The following DNAH14 variants were observed in gnomAD, a reference collection of about 807,000 sequenced individuals.
DNAH14 encodes the protein axonemal beta dynein heavy chain 14.
Under a neutral mutation model 520.9 loss-of-function variants are expected in DNAH14, and 478 were observed. The observed-to-expected ratio is 0.92, with a 90% CI of 0.85 to 0.99. The LOEUF is 0.99. Among genes scored for constraint, DNAH14 ranks in the 50% least tolerant of loss-of-function variants. The probability of loss-of-function intolerance (pLI) is 0.00; values close to 1 mark genes in which losing one functional copy is unlikely to be tolerated. For missense variants in DNAH14, 4,831 were observed against 5,234.5 expected, an observed-to-expected ratio of 0.92 and a Z score of 2.38; for synonymous variants, 1,581 against 1,757.2, an observed-to-expected ratio of 0.90 and a Z score of 2.51.
At chr1:225,385,086 A>G (rs902265244) in intron 81 of DNAH14, among the ~76,000 whole-genome samples, 4 of 152,244 alleles carry the variant, frequency 2.6e-5, no homozygotes, top group Admixed American at 1.3e-4. Flanking sequence ...ACACAAATCA[A>G]TAAACGTAAT....
At chr1:225,147,554 C>T (rs925041325) in intron 31 of DNAH14, among the ~76,000 whole-genome samples, 5 of 152,084 alleles carry the variant, frequency 3.3e-5, no homozygotes, top group Admixed American at 2.0e-4. Context: ...TTTTTTTCAG[C>T]TTAAATTTTC....
At chr1:225,200,978 C>G (rs2086749825) in intron 38 of DNAH14, among the ~76,000 whole-genome samples, 1 of 151,842 alleles carries the variant, frequency 6.6e-6, no homozygotes, top group South Asian at 2.1e-4. Flanking sequence ...TCTTTTCTTC[C>G]TTAAGAACAC....
At chr1:225,344,634 G>A (rs536702672) in intron 69 of DNAH14, among the ~76,000 whole-genome samples, 1 of 152,166 alleles carries the variant, frequency 6.6e-6, no homozygotes, top group African/African-American at 2.4e-5. Context: ...TATCATTGAT[G>A]GGCATTTAGG....
At chr1:225,368,527 C>G (rs2095580282) in intron 77 of DNAH14, among the ~76,000 whole-genome samples, 1 of 152,114 alleles carries the variant, frequency 6.6e-6, no homozygotes, top group East Asian at 1.9e-4. Flanking sequence ...CTTTACTATT[C>G]TCTATATAGA....
chr1:225,175,938 TAG>T (rs1383053255), intron 36 of DNAH14, among the ~76,000 whole-genome samples: 1 of 152,068 alleles, frequency 6.6e-6, no homozygotes, highest in Non-Finnish European at 1.5e-5. Flanking sequence ...GTATTTTTAG[TAG>T]AGACAGGGCT....
chr1:224,953,659 G>C (rs1454182350), intron 2 of DNAH14, among the ~76,000 whole-genome samples: 2 of 152,164 alleles, frequency 1.3e-5, no homozygotes, highest in South Asian at 4.1e-4. Context: ...AGTGAACATA[G>C]ACTTGGCGTT....
chr1:225,050,112 AG>A, intron 15 of DNAH14, 97 bp from the exon 16 acceptor site: 1 of 1,003,748 alleles, frequency 1.0e-6, no homozygotes. Flanking sequence ...ATAATAAATC[AG>A]CCCCCATTTT....
chr1:225,377,384 GAAA>G lies in DNAH14; in HGVS notation c.12666_12668del (p.Glu4222_Asn4223delinsAsp). The G allele has an allele frequency of 6.4e-7, 1 of 1,551,240 alleles. No homozygotes were observed. The highest frequency in any genetic ancestry group is 8.7e-7 in the Non-Finnish European group (1 of 1,146,808). ...GGAGACCCAGGGCGAAAAGTTTATT[GAAA>G]ATCTGATTGCCATGCAACCAAAAAC... On this transcript the variant is annotated inframe_deletion, in exon 79 of 86. Transcript: ENST00000682510.
At chr1:225,179,482 A>G (rs181633195) in intron 36 of DNAH14, among the ~76,000 whole-genome samples, 45 of 152,294 alleles carry the variant, frequency 3.0e-4, no homozygotes, top group Non-Finnish European at 3.2e-4. Flanking sequence ...GAAACAAACT[A>G]AACTAAAAAA....
At chr1:225,314,212 C>T (rs1329316874) in intron 60 of DNAH14, among the ~76,000 whole-genome samples, 4 of 151,992 alleles carry the variant, frequency 2.6e-5, no homozygotes, top group Non-Finnish European at 5.9e-5. Context: ...TTGTCTCTTT[C>T]GATCTTTGTT....
chr1:225,072,291 C>A (rs1004079082), intron 17 of DNAH14, among the ~76,000 whole-genome samples: 2 of 152,158 alleles, frequency 1.3e-5, no homozygotes, highest in African/African-American at 4.8e-5. Flanking sequence ...AGGCAGTCTT[C>A]AAGCTCTGAG....
chr1:225,000,564 T>C (rs2063689033), intron 8 of DNAH14, among the ~76,000 whole-genome samples: 1 of 148,862 alleles, frequency 6.7e-6, no homozygotes, highest in South Asian at 2.2e-4. Flanking sequence ...TGAAGGTTTG[T>C]TCTTTTTTTT....
chr1:225,208,263 G>A (rs1331756933), intron 41 of DNAH14, among the ~76,000 whole-genome samples: 2 of 151,754 alleles, frequency 1.3e-5, no homozygotes, highest in Admixed American at 1.3e-4. Context: ...CAGGAAAGTT[G>A]CAGTACTGGA....
intron 72 of DNAH14, among the ~76,000 whole-genome samples, chr1:225,352,573 C>T (rs1192035823): frequency 1.3e-5 from 2 of 152,056 alleles, no homozygotes; most frequent in Non-Finnish European, 2.9e-5. Context: ...TCTATGATAA[C>T]TTATATTTCC....
intron 28 of DNAH14, among the ~76,000 whole-genome samples, chr1:225,141,316 C>G (rs1280488441): frequency 1.3e-5 from 2 of 151,902 alleles, no homozygotes; most frequent in African/African-American, 4.8e-5. Context: ...GTGTATTTTT[C>G]TACTGTTCTG....
chr1:225,183,490 T>C (rs2084289292), intron 36 of DNAH14, among the ~76,000 whole-genome samples: 1 of 152,088 alleles, frequency 6.6e-6, no homozygotes, highest in African/African-American at 2.4e-5. Flanking sequence ...AATCTAGCAT[T>C]GCACCCAACT....
At chr1:224,980,363 T>TGTG (rs1171003050) in intron 8 of DNAH14, among the ~76,000 whole-genome samples, 3 of 152,142 alleles carry the variant, frequency 2.0e-5, no homozygotes, top group Admixed American at 6.5e-5. Context: ...CCTATGGGCC[T>TGTG]GTGGTGGTGG....
Position 225,153,769 on chromosome 1 carries a change from TG to T in DNAH14, c.5217del (p.Arg1740AspfsTer3). 6.5e-7 allele frequency: 1 copy of T among 1,548,906 alleles called. No homozygotes were observed. Among genetic ancestry groups the T allele is most frequent in the Non-Finnish European group, 8.7e-7 (1 of 1,145,324 alleles). On this transcript the variant is annotated frameshift_variant, in exon 34 of 86. Coordinates refer to ENST00000682510, the MANE Select transcript of DNAH14 (RefSeq NM_001367479.1). LOFTEE classifies it high-confidence loss of function. ...LSQQDHYNFG[L>X]RSLKIVLIMA... The stretch of plus-strand genomic sequence containing the variant: ...TGATAGGATCATTATAATTTTGGCT[TG>T]AGATCTCTGAAGATAGTTTTAATAA...
At chr1:225,191,308 C>T (rs957835923) in intron 37 of DNAH14, among the ~76,000 whole-genome samples, 2 of 151,912 alleles carry the variant, frequency 1.3e-5, no homozygotes, top group African/African-American at 2.4e-5. Context: ...GCCTTAGTTT[C>T]TCCCTCACTT....
Sources: gnomAD v4.1 joint callset for allele counts (sites outside exome capture counted in the v4.1 genomes callset) on GRCh38, gnomAD v4.1.1 for gene constraint, MANE v1.5 for transcripts, NCBI Gene and HGNC (gene_info 2026-07-23, HGNC 2026-07-21) for gene names.